The following MIB1 variants were observed in gnomAD, a reference collection of about 807,000 sequenced individuals.
The protein encoded by MIB1 is E3 ubiquitin-protein ligase MIB1.
Under a neutral mutation model 124.5 loss-of-function variants are expected in MIB1, and 278 were observed. The observed-to-expected ratio is 2.23, with a 90% confidence interval of 2.02 to 2.47. The LOEUF is 2.47. Among genes scored for constraint, MIB1 ranks in the 30% most tolerant of loss-of-function variants. The probability of loss-of-function intolerance (pLI) is 0.00; values close to 1 mark genes in which losing one functional copy is unlikely to be tolerated. For synonymous variants in MIB1, 446 were observed against 429.4 expected, an observed-to-expected ratio of 1.04 and a Z score of -0.48; for missense variants, 957 against 1,254.4, an observed-to-expected ratio of 0.76 and a Z score of 3.58.
rs1391148019 is a variant in MIB1 at position 21,741,489 on chromosome 18, C to CTA, written c.-94_-93dup. The CTA allele has an allele frequency of 5.7e-6, 5 of 872,554 alleles. No individual in the cohort carries two copies. Among genetic ancestry groups the CTA allele is most frequent in the Admixed American group, 4.6e-5 (1 of 21,514 alleles). The allele number at this position is 872,554 out of a possible 1,614,324, so 54.1% of individuals were successfully genotyped here. On this transcript the variant is annotated 5_prime_UTR_variant, in exon 1 of 21. Transcript: ENST00000261537. This position sits in a 1 kb window ranked among gnomAD's most constrained non-coding sequence, Gnocchi z 5.4. The stretch of plus-strand genomic sequence containing the variant: ...GGCTCGCTGCCGCCCCCGCCGACGC[C>CTA]TAGAGTCCGGCCCGGGCCCAACTCC...
In MIB1 at chr18:21,843,135, A is replaced by C. The variant is rs369313882; in HGVS notation, c.1967A>C (p.Asn656Thr). 1.2e-5 allele frequency: 20 copies of C among 1,602,822 alleles called. No homozygotes were observed. In the African/African-American group the frequency reaches 2.6e-4, roughly 20 times the overall value. Reference protein sequence around the residue: ...EVAELLVHQGNANLDIQNVNQ... With the variant: ...EVAELLVHQGTANLDIQNVNQ... The stretch of plus-strand genomic sequence containing the variant: ...ACATTTGTTCTTCTCGTTCAGGGTA[A>C]TGCAAACCTGGATATCCAGAATGTG... The change falls in exon 14 of 21, where the codon AAT becomes ACT. Residue 656 changes from asparagine (N) to threonine (T), a missense_variant. By Grantham distance (65) the Asn-to-Thr change is moderately conservative (BLOSUM62 0). Transcript: ENST00000261537.
chr18:21,718,636 TGTTTAAGTAACTAA>T (rs2040700531), intron 1 of MIB1, among the ~76,000 whole-genome samples: 1 of 152,258 alleles, frequency 6.6e-6, no homozygotes, highest in African/African-American at 2.4e-5. Flanking sequence ...TATGCATTGT[TGTTTAAGTAACTAA>T]GTTTTGGCTG....
chr18:21,770,089 A>G (rs1405534867), intron 3 of MIB1, among the ~76,000 whole-genome samples: 10 of 152,204 alleles, frequency 6.6e-5, no homozygotes. Context: ...CTATAGTCCC[A>G]GCTACCAGGG....
chr18:21,804,110 G>A (rs2146459906), intron 10 of MIB1, 96 bp downstream of exon 10: 1 of 885,918 alleles, frequency 1.1e-6, no homozygotes, highest in Non-Finnish European at 1.8e-6. Flanking sequence ...TTGAAATTTA[G>A]TATCCAACTA....
At chr18:21,790,630 A>T (rs2041491502) in intron 6 of MIB1, among the ~76,000 whole-genome samples, 1 of 152,202 alleles carries the variant, frequency 6.6e-6, no homozygotes, top group South Asian at 2.1e-4. Context: ...TATGAATGTC[A>T]TTCAGTGTAT....
At chr18:21,768,450 A>G (rs1196396427) in intron 2 of MIB1, among the ~76,000 whole-genome samples, 173 bp from the exon 3 acceptor site, 1 of 152,234 alleles carries the variant, frequency 6.6e-6, no homozygotes, top group African/African-American at 2.4e-5. Context: ...TGCCATCATC[A>G]TCATCACCTG....
At chr18:21,748,008 C>T (rs897939517) in intron 1 of MIB1, among the ~76,000 whole-genome samples, 10 of 152,172 alleles carry the variant, frequency 6.6e-5, no homozygotes, top group African/African-American at 2.4e-4. Flanking sequence ...TTTCAAAGAG[C>T]TTTTGACTCA....
chr18:21,729,594 A>T (rs1433470167), intron 1 of MIB1, among the ~76,000 whole-genome samples: 1 of 152,058 alleles, frequency 6.6e-6, no homozygotes, highest in Non-Finnish European at 1.5e-5. Flanking sequence ...GGTTCAATTG[A>T]TTCTCCCACC....
At position 21,741,689 on chromosome 18, in the gene MIB1, GTGGGCACCGTCC is replaced by G; in HGVS notation, c.107_118del (p.Val36_Arg40delinsGly). 1 of 1,611,526 alleles carries G rather than the reference GTGGGCACCGTCC, an allele frequency of 6.2e-7. No homozygotes were observed. The highest frequency in any genetic ancestry group is 8.5e-7 in the Non-Finnish European group (1 of 1,179,418). ...GAAGCAGGACGGCGGCGAGGGCCAT[GTGGGCACCGTCC>G]GGAGCTTCGAGAGCCCCGAGGAGGT... On this transcript the variant is annotated inframe_deletion, in exon 1 of 21. Transcript: ENST00000261537. The surrounding 1 kb of genome is among the most constrained non-coding windows in gnomAD (Gnocchi z 5.4).
chr18:21,785,193 A>G (rs542657798), intron 6 of MIB1, among the ~76,000 whole-genome samples: 3 of 152,160 alleles, frequency 2.0e-5, no homozygotes, highest in Admixed American at 1.3e-4. Context: ...CTTACCTATC[A>G]TTGGAGACGA....
chr18:21,864,627 C>T lies in MIB1; in HGVS notation c.2982C>T (p.Ile994=). 6.2e-7 allele frequency: 1 copy of T among 1,613,858 alleles called. No homozygotes were observed. The highest frequency in any genetic ancestry group is 8.5e-7 in the Non-Finnish European group (1 of 1,179,806). ...GAGACCGCATGAGTGAATGTCCTATCTGTCGCAAGGCTATTGAACGAAGGA... is the reference window on the plus strand; with the variant it reads ...GAGACCGCATGAGTGAATGTCCTATTTGTCGCAAGGCTATTGAACGAAGGA... ...LCGDRMSECP[I]CRKAIERRIL... The change falls in exon 21 of 21, where the codon ATC becomes ATT. Residue 994 remains isoleucine, a synonymous_variant. Transcript: ENST00000261537.
At chr18:21,808,097 A>G (rs937148778) in intron 10 of MIB1, among the ~76,000 whole-genome samples, 3 of 152,254 alleles carry the variant, frequency 2.0e-5, no homozygotes, top group African/African-American at 7.2e-5. Flanking sequence ...AAAATGTTAA[A>G]AAACTTTATT....
At chr18:21,805,644 A>G (rs1000636567) in intron 10 of MIB1, among the ~76,000 whole-genome samples, 1 of 152,172 alleles carries the variant, frequency 6.6e-6, no homozygotes, top group African/African-American at 2.4e-5. Flanking sequence ...AGCAACAACT[A>G]CTGAAAAACC....
At chr18:21,766,099 C>T (rs1019813722) in intron 2 of MIB1, among the ~76,000 whole-genome samples, 156 bp downstream of exon 2, 1 of 152,184 alleles carries the variant, frequency 6.6e-6, no homozygotes, top group Non-Finnish European at 1.5e-5. Context: ...CCAAATCTGC[C>T]ATATAACAAG....
intron 11 of MIB1, 38 bp from the exon 12 acceptor site, chr18:21,819,457 T>A (rs747753074): frequency 7.4e-7 from 1 of 1,348,754 alleles, no homozygotes; most frequent in Non-Finnish European, 1.0e-6. Flanking sequence ...ATGGGATAAT[T>A]AATTGAAGAA....
At chr18:21,746,135 G>T (rs1472416884) in intron 1 of MIB1, among the ~76,000 whole-genome samples, 1 of 152,178 alleles carries the variant, frequency 6.6e-6, no homozygotes, top group East Asian at 1.9e-4. Context: ...TATATTATAT[G>T]AATAGAAAAT....
chr18:21,791,499 T>C lies in MIB1; in HGVS notation c.1034T>C (p.Leu345Pro), dbSNP rs757884470. ...GATCTTGTACAAGTTTGTTATGACC[T>C]GGAACGAATTAAACTTCTACAAAGA... ...VGDLVQVCYD[L>P]ERIKLLQRGH... Residue 345 changes from leucine (L) to proline (P), a missense_variant, in exon 7 of 21, where the codon CTG becomes CCG. Physicochemically the swap from Leu to Pro is moderately conservative, Grantham distance 98. Coordinates refer to ENST00000261537, the MANE Select transcript of MIB1 (RefSeq NM_020774.4). 3 of 1,613,914 alleles carry C rather than the reference T, an allele frequency of 1.9e-6. No individual in the cohort carries two copies. In the African/African-American group the frequency reaches 4.0e-5, roughly 22 times the overall value.
At chr18:21,795,289 A>G (rs1356508049) in intron 7 of MIB1, among the ~76,000 whole-genome samples, 2 of 140,790 alleles carry the variant, frequency 1.4e-5, no homozygotes, top group African/African-American at 2.7e-5. Flanking sequence ...ATATATATGT[A>G]TATATATAAT....
At position 21,782,172 on chromosome 18, in the gene MIB1, G is replaced by A. The variant is rs555615690; in HGVS notation, c.908+2487G>A. Among the ~76,000 whole-genome samples, 16 of 152,136 alleles carry A rather than the reference G, an allele frequency of 1.1e-4. No individual in the cohort carries two copies. In the South Asian group the frequency reaches 3.3e-3, roughly 32 times the overall value. On this transcript the variant is annotated intron_variant, in intron 6 of 20. Coordinates refer to ENST00000261537, the MANE Select transcript of MIB1 (RefSeq NM_020774.4). ...AGTTTCGCTCTTGTTGCCCAGGCTGGAGTGCAATGGCGCGATCTCAGCTCA... is the reference window on the plus strand; with the variant it reads ...AGTTTCGCTCTTGTTGCCCAGGCTGAAGTGCAATGGCGCGATCTCAGCTCA...
Sources: allele counts gnomAD v4.1 joint callset (sites outside exome capture counted in the v4.1 genomes callset), GRCh38; gene constraint gnomAD v4.1.1; non-coding constraint Gnocchi (gnomAD v3.1); transcripts MANE v1.5; gene names NCBI Gene and HGNC (gene_info 2026-07-23, HGNC 2026-07-21).